The following SFPQ variants were observed in gnomAD, a reference collection of about 807,000 sequenced individuals.
SFPQ encodes the protein splicing factor proline and glutamine rich, also known as splicing factor, proline- and glutamine-rich.
In SFPQ, 11 loss-of-function variants were observed where a neutral mutation model predicts 72.9. The ratio of observed to expected loss-of-function variants is 0.15; its 90% confidence interval spans 0.09 to 0.25. The LOEUF (loss-of-function observed/expected upper bound fraction) is 0.25. SFPQ is among the 10% of genes least tolerant of loss of function. The probability of loss-of-function intolerance (pLI) is 1.00; values close to 1 mark genes in which losing one functional copy is unlikely to be tolerated. For missense variants in SFPQ, 847 were observed against 993.3 expected (o/e 0.85, Z 1.98); for synonymous variants, 506 against 367.3 (o/e 1.38, Z -4.32).
At position 35,192,209 on chromosome 1, in the gene SFPQ, CAT is replaced by C. The variant is rs142470364; in HGVS notation, c.828+11_828+12del. Reference sequence around the variant, plus strand: ...CTTAGGGGAGCCGACGCGTCGCTCCCATAGACACTCACCTCCGAGTCCGAGAT... The same window carrying C: ...CTTAGGGGAGCCGACGCGTCGCTCCCAGACACTCACCTCCGAGTCCGAGAT... On this transcript the variant is annotated intron_variant, in intron 1 of 9. Transcript: ENST00000357214. The C allele has an allele frequency of 0.024, 35,326 of 1,446,652 alleles. 4,027 individuals are homozygous for C. In the East Asian group the frequency reaches 0.42, roughly 17 times the overall value. The allele number at this position is 1,446,652 out of a possible 1,614,324, so 89.6% of individuals were successfully genotyped here.
downstream of SFPQ, chr1:35,180,132 A>T (rs902604409): frequency 9.5e-6 from 10 of 1,048,884 alleles, no homozygotes; most frequent in Non-Finnish European, 1.2e-5. Flanking sequence ...AAAGTCTCAT[A>T]GTCATGAAGT....
Position 35,192,234 on chromosome 1 carries a change from G to A in SFPQ, c.816C>T (p.Ile272=). 6.8e-7 allele frequency: 1 copy of A among 1,461,392 alleles called. No individual in the cohort carries two copies. Among genetic ancestry groups the A allele is most frequent in the Non-Finnish European group, 9.0e-7 (1 of 1,114,144 alleles). The allele number at this position is 1,461,392 out of a possible 1,614,324, so 90.5% of individuals were successfully genotyped here. The change falls in exon 1 of 10, where the codon ATC becomes ATT. Residue 272 remains isoleucine, a synonymous_variant. Coordinates refer to ENST00000357214, the MANE Select transcript of SFPQ (RefSeq NM_005066.3). ...CATAGACACTCACCTCCGAGTCCGA[G>A]ATCTTCTCCTCGCTGCGGCCGCCGG... ...GGPGGRSEEK[I]SDSEGFKANL... is the part of the protein sequence containing the mutation.
intron 9 of SFPQ, among the ~76,000 whole-genome samples, chr1:35,186,337 G>C (rs1314033369): frequency 1.3e-5 from 2 of 152,168 alleles, no homozygotes; most frequent in Non-Finnish European, 2.9e-5. Context: ...TATATTCACA[G>C]CTGAAACATG....
Position 35,184,089 on chromosome 1 carries a change from G to C in SFPQ, c.*367C>G. 9.0e-7 allele frequency: 1 copy of C among 1,114,088 alleles called. No individual in the cohort carries two copies. The highest frequency in any genetic ancestry group is 1.1e-6 in the Non-Finnish European group (1 of 912,324). 69.0% of individuals were successfully genotyped at this position (1,114,088 alleles called of 1,614,324 possible). On this transcript the variant is annotated 3_prime_UTR_variant, in exon 10 of 10. Transcript: ENST00000357214. ...TGGAATACGTAGCCTAATATGCATA[G>C]AAGCATGAATGGCAAAGTTGAAGAT...
In SFPQ at chr1:35,184,404, G is replaced by A; in HGVS notation, c.*52C>T. The A allele has an allele frequency of 6.3e-7, 1 of 1,588,664 alleles. No homozygotes were observed. Among genetic ancestry groups the A allele is most frequent in the Admixed American group, 1.9e-5 (1 of 52,136 alleles). On this transcript the variant is annotated 3_prime_UTR_variant, in exon 10 of 10. Coordinates refer to ENST00000357214, the MANE Select transcript of SFPQ (RefSeq NM_005066.3). ...TAAAATGCAAGAATTTAAAAGATTG[G>A]TATCTAAACAAAAAAACAAAACAAA...
chr1:35,183,648 T>TTA lies in SFPQ; in HGVS notation c.*807_*808insTA, dbSNP rs1414496170. The stretch of plus-strand genomic sequence containing the variant: ...AAATGTAAAAGTTCAATACAAGCCA[T>TTA]TTATAGGGCTTGAGATTTGTTGGTC... On this transcript the variant is annotated 3_prime_UTR_variant, in exon 10 of 10. Transcript: ENST00000357214. 1.9e-6 allele frequency: 2 copies of TTA among 1,036,594 alleles called. No homozygotes were observed. The highest frequency in any genetic ancestry group is 2.3e-6 in the Non-Finnish European group (2 of 860,830). 64.2% of individuals were successfully genotyped at this position (1,036,594 alleles called of 1,614,324 possible).
intron 9 of SFPQ, 142 bp from the exon 10 acceptor site, chr1:35,184,735 G>T: frequency 8.2e-7 from 1 of 1,216,432 alleles, no homozygotes; most frequent in East Asian, 3.0e-5. Context: ...ACATAGAAAG[G>T]AAAAAAGGGT....
chr1:35,191,510 G>C lies in SFPQ; in HGVS notation c.848C>G (p.Ser283Cys). The C allele has an allele frequency of 6.2e-7, 1 of 1,612,374 alleles. No homozygotes were observed. Among genetic ancestry groups the C allele is most frequent in the Non-Finnish European group, 8.5e-7 (1 of 1,179,596 alleles). ...TTTCTCTCCAGGCCTCCTCAAGAGA[G>C]ACAAATTGGCTTTAAACCCCTAATG... The part of the protein sequence containing the change: ...SDSEGFKANL[S>C]LLRRPGEKTY... The change falls in exon 2 of 10, where the codon TCT becomes TGT. Residue 283 changes from serine to cysteine, a missense_variant. This residue lies in a region of SFPQ where 498 missense variants were observed against 405.1 expected (regional missense o/e 1.23). Transcript: ENST00000357214.
At chr1:35,188,449 G>A (rs965044378) in intron 6 of SFPQ, among the ~76,000 whole-genome samples, 11 of 152,300 alleles carry the variant, frequency 7.2e-5, no homozygotes, top group Middle Eastern at 3.4e-3. Context: ...TGTAATCTCA[G>A]TACTTTAGGA....
At chr1:35,181,614 G>C (rs1176782901), downstream of SFPQ, 1 of 1,060,048 alleles carries the variant, frequency 9.4e-7, no homozygotes, top group African/African-American at 1.6e-5. Flanking sequence ...AGTTTTTAAA[G>C]ATTAGGAGAA....
chr1:35,189,668 G>A (rs1046863032), intron 4 of SFPQ, among the ~76,000 whole-genome samples: 1 of 152,078 alleles, frequency 6.6e-6, no homozygotes, highest in Admixed American at 6.6e-5. Flanking sequence ...TGTACTGTAG[G>A]CCACACGCGG....
chr1:35,192,092 C>A (rs933099406), intron 1 of SFPQ, 130 bp downstream of exon 1: 1 of 701,410 alleles, frequency 1.4e-6, no homozygotes, highest in Non-Finnish European at 2.0e-6. Context: ...GGCCGCCCCG[C>A]CCCCGCAGCG....
At chr1:35,189,993 G>A (rs1473842568) in intron 4 of SFPQ, among the ~76,000 whole-genome samples, 1 of 152,100 alleles carries the variant, frequency 6.6e-6, no homozygotes, top group East Asian at 1.9e-4. Flanking sequence ...CAGGCACGGT[G>A]CATCATGCCT....
At chr1:35,186,325 G>C (rs1010972834) in intron 9 of SFPQ, among the ~76,000 whole-genome samples, 2 of 152,096 alleles carry the variant, frequency 1.3e-5, no homozygotes, top group Non-Finnish European at 2.9e-5. Flanking sequence ...CATCTGACAG[G>C]CTATATTCAC....
Position 35,191,429 on chromosome 1 carries a change from T to C in SFPQ, c.929A>G (p.Glu310Gly), listed in dbSNP as rs753182266. Residue 310 changes from glutamate to glycine, a missense_variant, in exon 2 of 10, where the codon GAG (glutamate) becomes GGG (glycine). Around this residue, in one of 6 missense-constraint regions of SFPQ, gnomAD observed 35 missense variants for 52.9 expected, o/e 0.66. Transcript: ENST00000357214. ...FVGNLPADIT[E>G]DEFKRLFAKY... ...AGCAAATAGTCTTTTGAATTCATCC[T>C]CCGTGATATCAGCAGGTAGATTCCC... The C allele has an allele frequency of 6.2e-7, 1 of 1,614,128 alleles. No individual in the cohort carries two copies. Among genetic ancestry groups the C allele is most frequent in the Non-Finnish European group, 8.5e-7 (1 of 1,179,956 alleles).
At chr1:35,180,635 AT>A (rs1309448507), downstream of SFPQ, 1 of 1,052,056 alleles carries the variant, frequency 9.5e-7, no homozygotes. Context: ...TTTAAATCGC[AT>A]TACAAAAAAA....
intron 8 of SFPQ, 21 bp downstream of exon 8, chr1:35,187,179 CATT>C (rs753800338): frequency 6.8e-6 from 11 of 1,614,034 alleles, no homozygotes. Context: ...CTACTTATAT[CATT>C]AATTTAAATT....
chr1:35,186,885 G>C lies in SFPQ; in HGVS notation c.1986+116C>G. ...ACATATTTATGTATGAAATTGGTAG[G>C]GGAAACTAAAAGAGGTCCAGTCACC... On this transcript the variant is annotated intron_variant, in intron 9 of 9. Transcript: ENST00000357214. 3.0e-6 allele frequency: 3 copies of C among 991,614 alleles called. No individual in the cohort carries two copies. The South Asian group carries it at 4.9e-5, about 16-fold the overall frequency. 61.4% of individuals were successfully genotyped at this position (991,614 alleles called of 1,614,324 possible).
Position 35,192,983 on chromosome 1 carries a change from C to T in SFPQ, c.67G>A (p.Gly23Ser), listed in dbSNP as rs1640119746. The T allele has an allele frequency of 6.4e-7, 1 of 1,574,020 alleles. No homozygotes were observed. Among genetic ancestry groups the T allele is most frequent in the Non-Finnish European group, 8.6e-7 (1 of 1,168,802 alleles). Reference protein sequence around the residue: ...GGGFHRRGGGGGRGGLHDFRS... With the variant: ...GGGFHRRGGGSGRGGLHDFRS... ...AAGTCGTGGAGGCCGCCGCGGCCGCCGCCTCCTCCACGCCTGTGGAAGCCA... is the reference window on the plus strand; with the variant it reads ...AAGTCGTGGAGGCCGCCGCGGCCGCTGCCTCCTCCACGCCTGTGGAAGCCA... The change falls in exon 1 of 10, where the codon GGC (glycine) becomes AGC (serine). Residue 23 changes from glycine (G) to serine (S), a missense_variant. Physicochemically the swap from Gly to Ser is moderately conservative, Grantham distance 56. Coordinates refer to ENST00000357214, the MANE Select transcript of SFPQ (RefSeq NM_005066.3).
Sources: gnomAD v4.1 joint callset for allele counts (sites outside exome capture counted in the v4.1 genomes callset) on GRCh38, gnomAD v4.1.1 for gene constraint, gnomAD v4.1.1 regional missense constraint, MANE v1.5 for transcripts, NCBI Gene and HGNC (gene_info 2026-07-23, HGNC 2026-07-21) for gene names.